The following AKAP14 variants were observed in gnomAD, a reference collection of about 807,000 sequenced individuals.
The protein encoded by AKAP14 is A-kinase anchoring protein 14.
In AKAP14, 4 loss-of-function variants were observed where a neutral mutation model predicts 17.0. That is an observed-to-expected ratio of 0.23 (90% CI 0.12 to 0.54). The LOEUF is 0.54. Among genes scored for constraint, AKAP14 ranks in the 20% least tolerant of loss-of-function variants. The pLI, the probability that AKAP14 is intolerant of heterozygous loss-of-function variation, is 0.95. For missense variants in AKAP14, 129 were observed against 150.9 expected (o/e 0.85, Z 0.76); for synonymous variants, 42 against 51.3 (o/e 0.82, Z 0.77).
At chrX:119,920,115 T>C in intron 6 of AKAP14, 152 bp downstream of exon 6, 1 of 554,937 alleles carries the variant, frequency 1.8e-6, no homozygotes, top group Admixed American at 4.0e-5. Flanking sequence ...GAAACTGTTC[T>C]AGAAAATTAT....
intron 4 of AKAP14, among the ~76,000 whole-genome samples, chrX:119,910,291 G>C (rs1603378071): frequency 1.8e-5 from 2 of 112,080 alleles, no homozygotes; most frequent in East Asian, 2.8e-4. Context: ...GAGGCAAAAG[G>C]CCAGCCTACA....
At chrX:119,911,709 G>GC (rs2056628164) in intron 4 of AKAP14, among the ~76,000 whole-genome samples, 1 of 103,442 alleles carries the variant, frequency 9.7e-6, no homozygotes, top group Non-Finnish European at 2.0e-5. Flanking sequence ...CATGAAACTT[G>GC]TTTTTTTTTT....
At chrX:119,901,870 G>A (rs1224606504) in intron 2 of AKAP14, among the ~76,000 whole-genome samples, 1 of 105,673 alleles carries the variant, frequency 9.5e-6, no homozygotes, top group Admixed American at 1.0e-4. Flanking sequence ...TTAGCCGGGC[G>A]TGGTGGCGCA....
At chrX:119,901,732 C>T (rs758126863) in intron 2 of AKAP14, among the ~76,000 whole-genome samples, 3 of 100,601 alleles carry the variant, frequency 3.0e-5, no homozygotes, top group East Asian at 3.3e-4. Context: ...CTATCTTAGC[C>T]GGCGCGCTGG....
chrX:119,919,396 A>G (rs1364922494), intron 5 of AKAP14, among the ~76,000 whole-genome samples: 6 of 112,393 alleles, frequency 5.3e-5, no homozygotes, highest in Admixed American at 1.9e-4. Context: ...TATTGTAAAG[A>G]TTCTTAAGGT....
chrX:119,900,453 C>CA (rs2056558527), intron 2 of AKAP14, among the ~76,000 whole-genome samples: 1 of 111,674 alleles, frequency 9.0e-6, no homozygotes, highest in Admixed American at 9.6e-5. Context: ...AGGCTAGTCT[C>CA]AAACTCCTCA....
chrX:119,898,291 A>G (rs1305411401), intron 2 of AKAP14, among the ~76,000 whole-genome samples: 1 of 112,017 alleles, frequency 8.9e-6, no homozygotes, highest in Non-Finnish European at 1.9e-5. Flanking sequence ...GCGCCACTGT[A>G]CTCCAGCCCA....
rs111456671 is a variant in AKAP14 at position 119,901,705 on chromosome X, CA to C, written c.-10-1495del. ...TGGGCGACAGAACGAAACTTTGTCTCAAAAAAAAAAAAAACACTATCTTAGC... is the reference window on the plus strand; with the variant it reads ...TGGGCGACAGAACGAAACTTTGTCTCAAAAAAAAAAAAACACTATCTTAGC... On this transcript the variant is annotated intron_variant, in intron 2 of 6. Coordinates refer to ENST00000371431, the MANE Select transcript of AKAP14 (RefSeq NM_178813.6). 2.1e-3 allele frequency among the ~76,000 whole-genome samples: 163 copies of C among 77,857 alleles called. 1 individual carries two copies. Among genetic ancestry groups the C allele is most frequent in the Non-Finnish European group, 2.3e-3 (90 of 39,441 alleles). The allele number at this position is 77,857 out of a possible 115,157, so 67.6% of individuals were successfully genotyped here.
intron 5 of AKAP14, among the ~76,000 whole-genome samples, chrX:119,919,310 G>A (rs2056675381): frequency 1.8e-5 from 2 of 112,366 alleles, no homozygotes; most frequent in South Asian, 3.7e-4. Flanking sequence ...GTTGAGTAAA[G>A]TGGAGCATGT....
At chrX:119,908,497 C>T (rs2056610769) in intron 4 of AKAP14, among the ~76,000 whole-genome samples, 1 of 111,493 alleles carries the variant, frequency 9.0e-6, no homozygotes, top group Admixed American at 9.7e-5. Flanking sequence ...AAAGACATCA[C>T]TATAAAAAAT....
chrX:119,907,234 G>T (rs1343169208), intron 4 of AKAP14, among the ~76,000 whole-genome samples: 1 of 108,182 alleles, frequency 9.2e-6, no homozygotes, highest in South Asian at 4.2e-4. Context: ...GGGTTCAAGG[G>T]ATTCTCCTGC....
intron 5 of AKAP14, among the ~76,000 whole-genome samples, chrX:119,916,433 AATCTATCTATCTATCT>A (rs66480348): frequency 1.0e-3 from 100 of 99,167 alleles, no homozygotes; most frequent in Middle Eastern, 5.3e-3. Flanking sequence ...CTGCCTATCT[AATCTATCTATCTATCT>A]ATCTATCTAT....
chrX:119,919,302 TGAGTA>T (rs1204372650), intron 5 of AKAP14, among the ~76,000 whole-genome samples: 2 of 112,376 alleles, frequency 1.8e-5, no homozygotes, highest in African/African-American at 3.2e-5. Flanking sequence ...GATTGTCAGT[TGAGTA>T]AAGTGGAGCA....
intron 2 of AKAP14, among the ~76,000 whole-genome samples, chrX:119,900,492 C>T (rs745632442): frequency 3.6e-5 from 4 of 112,226 alleles, no homozygotes; most frequent in African/African-American, 1.3e-4. Context: ...CTTGGCCTCC[C>T]AAATTGCTGG....
chrX:119,915,927 A>G (rs769857673), intron 5 of AKAP14, among the ~76,000 whole-genome samples: 1 of 110,800 alleles, frequency 9.0e-6, no homozygotes, highest in Non-Finnish European at 1.9e-5. Flanking sequence ...TGCCCTCATC[A>G]TGTCTGTTTT....
At chrX:119,906,603 G>C (rs1271529464) in intron 4 of AKAP14, among the ~76,000 whole-genome samples, 26 of 106,591 alleles carry the variant, frequency 2.4e-4, no homozygotes, top group Non-Finnish European at 4.1e-4. Context: ...GTGCGATCTC[G>C]GCCTACTACA....
intron 4 of AKAP14, among the ~76,000 whole-genome samples, chrX:119,909,847 T>C (rs894567321): frequency 9.5e-6 from 1 of 105,139 alleles, no homozygotes; most frequent in Non-Finnish European, 1.9e-5. Context: ...ATCACGTCAC[T>C]GCACTCCAGC....
chrX:119,916,433 AATCTATCTATCT>A (rs66480348), intron 5 of AKAP14, among the ~76,000 whole-genome samples: 2,770 of 99,123 alleles, frequency 0.028, 40 homozygotes, highest in Middle Eastern at 0.042. Flanking sequence ...CTGCCTATCT[AATCTATCTATCT>A]ATCTATCTAT....
intron 5 of AKAP14, among the ~76,000 whole-genome samples, chrX:119,919,110 AC>A (rs1456594734): frequency 8.9e-6 from 1 of 112,066 alleles, no homozygotes; most frequent in African/African-American, 3.2e-5. Flanking sequence ...TACACCAGAG[AC>A]CACACAGAGA....
Sources: gnomAD v4.1 joint callset for allele counts (sites outside exome capture counted in the v4.1 genomes callset) on GRCh38, gnomAD v4.1.1 for gene constraint, MANE v1.5 for transcripts, NCBI Gene and HGNC (gene_info 2026-07-23, HGNC 2026-07-21) for gene names.